CYRIB: variants seen among roughly 807,000 people sequenced by gnomAD.
CYRIB encodes CYFIP related Rac1 interactor B.
In CYRIB, 8 loss-of-function variants were observed where a neutral mutation model predicts 44.2. The ratio of observed to expected loss-of-function variants is 0.18; its 90% CI spans 0.11 to 0.33. The LOEUF (loss-of-function observed/expected upper bound fraction) is 0.33. Ranked by LOEUF, CYRIB falls within the 10% of genes least tolerant of loss-of-function variation. CYRIB has a pLI of 1.00. For missense variants in CYRIB, 185 were observed against 382.8 expected (o/e 0.48, Z 4.31); for synonymous variants, 131 against 127.2 (o/e 1.03, Z -0.20).
chr8:129,862,110 C>T, intron 5 of CYRIB, 119 bp downstream of exon 7: 1 of 690,344 alleles, frequency 1.4e-6, no homozygotes, highest in South Asian at 1.8e-5. Flanking sequence ...GCTTGCTTTA[C>T]TTATAAAACA....
At chr8:129,864,025 A>G (rs2051799095) in intron 4 of CYRIB, among the ~76,000 whole-genome samples, 1 of 152,236 alleles carries the variant, frequency 6.6e-6, no homozygotes, top group Non-Finnish European at 1.5e-5. Flanking sequence ...AATTCAGGAA[A>G]GCAAAATAAA....
chr8:129,991,133 GAAAA>G (rs35682865), intron 1 of CYRIB, among the ~76,000 whole-genome samples: 5 of 67,766 alleles, frequency 7.4e-5, no homozygotes, highest in African/African-American at 2.2e-4. Flanking sequence ...CTCTGTCTCA[GAAAA>G]AAAAAAAAAA....
Position 129,950,747 on chromosome 8 carries a change from T to C in CYRIB, c.-243+20196A>G, listed in dbSNP as rs535753817. Among the ~76,000 whole-genome samples, 69 of 152,300 alleles carry C rather than the reference T, an allele frequency of 4.5e-4. 1 individual carries two copies. In the South Asian group the frequency reaches 0.013, roughly 29 times the overall value. ...TGCTTTCATTAAGATGCTGTTGGTA[T>C]AAAGCTGCCCACTGCAGCATTATTT... On this transcript the variant is annotated intron_variant, in intron 2 of 14. Coordinates refer to the CYRIB transcript ENST00000401979.
chr8:129,966,868 T>C (rs1168827930), intron 2 of CYRIB, among the ~76,000 whole-genome samples: 1 of 150,490 alleles, frequency 6.6e-6, no homozygotes, highest in Non-Finnish European at 1.5e-5. Flanking sequence ...CTAATTTATA[T>C]TTTTTTTGTA....
rs557189051 is a variant in CYRIB at position 130,006,978 on chromosome 8, A to G, written c.-296+9392T>C. On this transcript the variant is annotated intron_variant, in intron 1 of 14. Transcript: ENST00000401979. ...CCCAAATCTTTTCTAGTGGGGATGC[A>G]TGTATGCAGACAATGCAAAGTGCTA... is the stretch of plus-strand genomic sequence containing the variant. 1.4e-4 allele frequency among the ~76,000 whole-genome samples: 21 copies of G among 152,138 alleles called. No individual in the cohort carries two copies. In the South Asian group the frequency reaches 2.5e-3, roughly 18 times the overall value.
intron 1 of CYRIB, among the ~76,000 whole-genome samples, chr8:129,919,083 G>C (rs544237713): frequency 6.6e-6 from 1 of 152,236 alleles, no homozygotes; most frequent in South Asian, 2.1e-4. Context: ...GGCCAGGCTT[G>C]TCTCGAACTC....
intron 2 of CYRIB, among the ~76,000 whole-genome samples, chr8:129,891,201 C>T (rs139457445): frequency 2.2e-4 from 33 of 152,314 alleles, no homozygotes; most frequent in African/African-American, 7.7e-4. Flanking sequence ...TTCCCTCAGC[C>T]CTAAAAGTAA....
intron 2 of CYRIB, among the ~76,000 whole-genome samples, chr8:129,894,299 C>T (rs1196283933): frequency 6.6e-6 from 1 of 152,172 alleles, no homozygotes; most frequent in East Asian, 1.9e-4. Context: ...ATTTCCTGTC[C>T]TCCAAAACCT....
chr8:129,994,493 G>A (rs936751862), intron 1 of CYRIB, among the ~76,000 whole-genome samples: 3 of 152,138 alleles, frequency 2.0e-5, no homozygotes, highest in Admixed American at 1.3e-4. Context: ...ACAGAAGGTG[G>A]GTTCACCTCT....
upstream of CYRIB, among the ~76,000 whole-genome samples, chr8:129,942,156 T>C (rs1017178369): frequency 6.6e-6 from 1 of 152,048 alleles, no homozygotes; most frequent in African/African-American, 2.4e-5. Context: ...CAGGCCAACA[T>C]GGTAAAACCC....
chr8:129,997,994 G>A (rs1157004307), intron 1 of CYRIB, among the ~76,000 whole-genome samples: 2 of 151,666 alleles, frequency 1.3e-5, no homozygotes, highest in African/African-American at 2.4e-5. Flanking sequence ...GATAGTGCAC[G>A]CCTGTAGTCC....
intron 1 of CYRIB, among the ~76,000 whole-genome samples, chr8:129,991,133 GA>G (rs35682865): frequency 0.46 from 31,018 of 67,876 alleles, 4,796 homozygotes; most frequent in African/African-American, 0.62. Flanking sequence ...CTCTGTCTCA[GA>G]AAAAAAAAAA....
intron 2 of CYRIB, among the ~76,000 whole-genome samples, chr8:129,959,739 G>A (rs837224): frequency 0.82 from 125,570 of 152,230 alleles, 52,225 homozygotes; most frequent in East Asian, 0.97. Flanking sequence ...TCTTCAGTCA[G>A]GCACACCTTA....
intron 2 of CYRIB, among the ~76,000 whole-genome samples, chr8:129,957,461 C>A (rs796134506): frequency 6.6e-6 from 1 of 152,204 alleles, no homozygotes; most frequent in South Asian, 2.1e-4. Context: ...GAAAAGCAGA[C>A]ACAAGAACTC....
intron 2 of CYRIB, among the ~76,000 whole-genome samples, chr8:129,956,871 C>A (rs913034145): frequency 3.3e-5 from 4 of 121,624 alleles, no homozygotes; most frequent in Non-Finnish European, 4.9e-5. Context: ...TTGGCTCTTG[C>A]TCTGTCACCC....
At chr8:129,860,696 AT>A (rs1319599890) in intron 5 of CYRIB, among the ~76,000 whole-genome samples, 1 of 152,138 alleles carries the variant, frequency 6.6e-6, no homozygotes, top group Non-Finnish European at 1.5e-5. Context: ...ACAAATACAA[AT>A]GGCCAAATAG....
chr8:129,965,802 A>T (rs2095456319), intron 2 of CYRIB, among the ~76,000 whole-genome samples: 1 of 151,834 alleles, frequency 6.6e-6, no homozygotes, highest in Admixed American at 6.6e-5. Context: ...TCTCAAAAAA[A>T]AAAAAGAATA....
intron 1 of CYRIB, among the ~76,000 whole-genome samples, chr8:130,004,282 TG>T (rs1365124162): frequency 6.6e-6 from 1 of 152,156 alleles, no homozygotes; most frequent in East Asian, 1.9e-4. Flanking sequence ...TTTTATTTTT[TG>T]TTTAGAGACA....
At chr8:130,014,995 G>A (rs531972234) in intron 1 of CYRIB, among the ~76,000 whole-genome samples, 1 of 152,308 alleles carries the variant, frequency 6.6e-6, no homozygotes, top group African/African-American at 2.4e-5. Context: ...TCAAAATGAC[G>A]CCTTCTTTTT....
Sources: gnomAD v4.1 joint callset for allele counts (sites outside exome capture counted in the v4.1 genomes callset) on GRCh38, gnomAD v4.1.1 for gene constraint, MANE v1.5 for transcripts, NCBI Gene and HGNC (gene_info 2026-07-23, HGNC 2026-07-21) for gene names.